Variants in LAMA1 observed in about 807,000 individuals in gnomAD.
The protein encoded by LAMA1 is laminin subunit alpha-1.
Under a neutral mutation model 348.7 loss-of-function variants are expected in LAMA1, and 219 were observed. That is an observed-to-expected ratio of 0.63 (90% CI 0.56 to 0.70). LAMA1 has a LOEUF of 0.70. LAMA1 is among the 30% of genes least tolerant of loss of function. LAMA1 has a pLI of 0.00. For missense variants in LAMA1, 3,744 were observed against 3,888.0 expected, an observed-to-expected ratio of 0.96 and a Z score of 0.99; for synonymous variants, 1,487 against 1,491.0, an observed-to-expected ratio of 1.00 and a Z score of 0.06.
chr18:7,093,853 C>A (rs571547253), intron 1 of LAMA1, among the ~76,000 whole-genome samples: 4 of 150,444 alleles, frequency 2.7e-5, no homozygotes, highest in African/African-American at 9.8e-5. Flanking sequence ...CGGCTCCCCG[C>A]ATCCTCCGCC....
intron 1 of LAMA1, among the ~76,000 whole-genome samples, chr18:7,094,820 C>G (rs993618174): frequency 1.3e-5 from 2 of 152,090 alleles, no homozygotes; most frequent in African/African-American, 4.8e-5. Flanking sequence ...ACAGGCAGTG[C>G]CCAGAACTAT....
In LAMA1 at chr18:6,975,887, T is replaced by C. The variant is rs369184289; in HGVS notation, c.6489+50A>G. 1.1e-5 allele frequency: 18 copies of C among 1,611,506 alleles called. No individual in the cohort carries two copies. The African/African-American group carries it at 2.1e-4, about 19-fold the overall frequency. On this transcript the variant is annotated intron_variant, in intron 45 of 62. Coordinates refer to ENST00000389658, the MANE Select transcript of LAMA1 (RefSeq NM_005559.4). ...AAATAAGTGAAAATTCAGAAAAATC[T>C]AGAAGTGCATAAAAGATTCAGTGTC...
chr18:6,950,926 C>T lies in LAMA1; in HGVS notation c.8253G>A (p.Leu2751=), dbSNP rs139713073. The T allele has an allele frequency of 3.2e-3, 5,170 of 1,614,142 alleles. 11 individuals are homozygous for T. Among genetic ancestry groups the T allele is most frequent in the Middle Eastern group, 5.8e-3 (35 of 6,062 alleles). The change falls in exon 58 of 63, where the codon CTG becomes CTA. Residue 2751 remains leucine (L), a synonymous_variant. Transcript: ENST00000389658. ...LSIRTFASSG[L]IYYMAHQNQA... ...GGTTCTGATGAGCCATGTAGTAAAT[C>T]AGGCCGCTGGAGGCGAACGTGCGGA...
At position 7,095,836 on chromosome 18, in the gene LAMA1, A is replaced by T. The variant is rs111602068; in HGVS notation, c.62-15379T>A. On this transcript the variant is annotated intron_variant, in intron 1 of 62. Transcript: ENST00000389658. Reference sequence around the variant, plus strand: ...TGTATCCCAGCACTTTGGGAGGCCCAGGCGGGCAGATCATGAGGTCAGGAA... The same window carrying T: ...TGTATCCCAGCACTTTGGGAGGCCCTGGCGGGCAGATCATGAGGTCAGGAA... Among the ~76,000 whole-genome samples, 541 of 152,342 alleles carry T rather than the reference A, an allele frequency of 3.6e-3. 5 individuals are homozygous for T. Among genetic ancestry groups the T allele is most frequent in the African/African-American group, 0.013 (521 of 41,588 alleles).
Position 7,015,414 on chromosome 18 carries a change from C to T in LAMA1, c.3126+308G>A, listed in dbSNP as rs1442448758. The stretch of plus-strand genomic sequence containing the variant: ...TCTCCCAAGTAGCTGAGACCACAGG[C>T]GTGTGCCACCACACCAGGCTAAATT... On this transcript the variant is annotated intron_variant, in intron 22 of 62. Coordinates refer to ENST00000389658, the MANE Select transcript of LAMA1 (RefSeq NM_005559.4). Among the ~76,000 whole-genome samples, 4 of 151,744 alleles carry T rather than the reference C, an allele frequency of 2.6e-5. No individual in the cohort carries two copies. In the East Asian group the frequency reaches 5.9e-4, roughly 22 times the overall value.
Position 7,097,279 on chromosome 18 carries a change from T to A in LAMA1, c.62-16822A>T, listed in dbSNP as rs980748653. ...GAACAAAATACTTGAACAAAAAAAA[T>A]AATAAAAAAAAAAGAATGAAAGAAA... On this transcript the variant is annotated intron_variant, in intron 1 of 62. Coordinates refer to ENST00000389658, the MANE Select transcript of LAMA1 (RefSeq NM_005559.4). Among the ~76,000 whole-genome samples the A allele has an allele frequency of 1.1e-4, 13 of 118,336 alleles. No individual in the cohort carries two copies. The East Asian group carries it at 1.7e-3, about 16-fold the overall frequency. 77.6% of individuals were successfully genotyped at this position (118,336 alleles called of 152,430 possible).
At position 7,104,565 on chromosome 18, in the gene LAMA1, G is replaced by A. The variant is rs565921700; in HGVS notation, c.61+13095C>T. Among the ~76,000 whole-genome samples, 4 of 152,336 alleles carry A rather than the reference G, an allele frequency of 2.6e-5. No individual in the cohort carries two copies. The South Asian group carries it at 8.3e-4, about 32-fold the overall frequency. On this transcript the variant is annotated intron_variant, in intron 1 of 62. Coordinates refer to ENST00000389658, the MANE Select transcript of LAMA1 (RefSeq NM_005559.4). ...ATGAAGCTCCCGTGATGGAACTACA[G>A]ATATCACAGAATGGTCGAGATGTGG...
At chr18:7,042,511 G>A (rs2058025021) in intron 8 of LAMA1, 6 of 406,242 alleles carry the variant, frequency 1.5e-5, no homozygotes, top group Non-Finnish European at 2.3e-5. Context: ...CCCCCCTCGC[G>A]CTGCTGTCTC....
At chr18:7,090,991 A>T (rs1225287022) in intron 1 of LAMA1, among the ~76,000 whole-genome samples, 1 of 152,244 alleles carries the variant, frequency 6.6e-6, no homozygotes, top group African/African-American at 2.4e-5. Context: ...AACACATGGT[A>T]TGAACAAGTT....
At chr18:7,062,271 G>A (rs763266093) in intron 3 of LAMA1, among the ~76,000 whole-genome samples, 3 of 72,206 alleles carry the variant, frequency 4.2e-5, no homozygotes, top group Non-Finnish European at 1.1e-4. Flanking sequence ...CAGATAGTCA[G>A]GGAAGTCTTC....
chr18:7,020,864 C>T (rs575384810), intron 19 of LAMA1, among the ~76,000 whole-genome samples: 12 of 152,278 alleles, frequency 7.9e-5, no homozygotes, highest in Middle Eastern at 3.4e-3. Context: ...GGCAGCAGGG[C>T]GATATTCAAA....
At chr18:6,998,933 T>A (rs763686599) in intron 32 of LAMA1, among the ~76,000 whole-genome samples, 15 of 152,120 alleles carry the variant, frequency 9.9e-5, no homozygotes, top group Non-Finnish European at 1.9e-4. Flanking sequence ...CTCGGGAGGC[T>A]GAGGCAGAGG....
chr18:6,998,724 A>G (rs906262288), intron 32 of LAMA1, among the ~76,000 whole-genome samples: 2 of 152,150 alleles, frequency 1.3e-5, no homozygotes, highest in Non-Finnish European at 2.9e-5. Flanking sequence ...TCAGAACTGG[A>G]AAAAAAGTTT....
chr18:7,101,824 C>A lies in LAMA1; in HGVS notation c.61+15836G>T, dbSNP rs376293394. Reference sequence around the variant, plus strand: ...CTGGGGCTACAGATGCATGCCACCACACCTGGCTAATTTCTATTTTTTTTT... The same window carrying A: ...CTGGGGCTACAGATGCATGCCACCAAACCTGGCTAATTTCTATTTTTTTTT... On this transcript the variant is annotated intron_variant, in intron 1 of 62. Coordinates refer to ENST00000389658, the MANE Select transcript of LAMA1 (RefSeq NM_005559.4). 1.4e-4 allele frequency among the ~76,000 whole-genome samples: 21 copies of A among 150,734 alleles called. No homozygotes were observed. The East Asian group carries it at 1.6e-3, about 11-fold the overall frequency.
intron 56 of LAMA1, 56 bp downstream of exon 56, chr18:6,956,580 C>T: frequency 6.2e-7 from 1 of 1,612,400 alleles, no homozygotes; most frequent in Non-Finnish European, 8.5e-7. Flanking sequence ...CTCCCTCTGT[C>T]CTAGGCCCTC....
intron 46 of LAMA1, among the ~76,000 whole-genome samples, chr18:6,973,622 T>G (rs2057668280): frequency 6.6e-6 from 1 of 152,188 alleles, no homozygotes; most frequent in African/African-American, 2.4e-5. Flanking sequence ...TTTAAGAAAA[T>G]GCACCCCCCA....
chr18:6,969,572 A>G (rs2057649093), intron 48 of LAMA1, among the ~76,000 whole-genome samples: 1 of 152,196 alleles, frequency 6.6e-6, no homozygotes, highest in African/African-American at 2.4e-5. Context: ...ACAAACACGT[A>G]TTTTTGGAAA....
At chr18:6,951,966 G>C (rs964357233) in intron 57 of LAMA1, among the ~76,000 whole-genome samples, 1 of 152,190 alleles carries the variant, frequency 6.6e-6, no homozygotes, top group Non-Finnish European at 1.5e-5. Flanking sequence ...AGGCCCAGGA[G>C]ACTGTCCCAG....
At chr18:7,116,812 CTCTT>C (rs1173007467) in intron 1 of LAMA1, among the ~76,000 whole-genome samples, 4 of 149,462 alleles carry the variant, frequency 2.7e-5, no homozygotes, top group African/African-American at 5.1e-5. Flanking sequence ...TCTTTCTTTT[CTCTT>C]TCTCTCTCTC....
Sources: allele counts gnomAD v4.1 joint callset (sites outside exome capture counted in the v4.1 genomes callset), GRCh38; gene constraint gnomAD v4.1.1; transcripts MANE v1.5; gene names NCBI Gene and HGNC (gene_info 2026-07-23, HGNC 2026-07-21).